Variants in IL1RAP observed in about 807,000 individuals in gnomAD.
IL1RAP encodes the protein interleukin 1 receptor accessory protein.
IL1RAP carries 35 observed loss-of-function variants against 60.7 expected under a neutral mutation model. That is an observed-to-expected ratio of 0.58 (90% CI 0.44 to 0.76). The LOEUF is 0.76. Ranked by LOEUF, IL1RAP falls within the 30% of genes least tolerant of loss-of-function variation. The probability of loss-of-function intolerance (pLI) is 0.00; values close to 1 mark genes in which losing one functional copy is unlikely to be tolerated. For missense variants in IL1RAP, 572 were observed against 693.9 expected (o/e 0.82, Z 1.97); for synonymous variants, 268 against 250.9 (o/e 1.07, Z -0.64).
At chr3:190,624,008 T>A (rs1177108208) in intron 7 of IL1RAP, among the ~76,000 whole-genome samples, 1 of 152,248 alleles carries the variant, frequency 6.6e-6, no homozygotes, top group Non-Finnish European at 1.5e-5. Flanking sequence ...CAGGAAACTA[T>A]AGAAAATTTT....
chr3:190,650,687 GT>G lies in IL1RAP; in HGVS notation c.*1983del. ...TCACTTGGATGAAAAAAGTAGAAAAGTAGGTCATTCTTGGATCTACTTTTTT... is the reference window on the plus strand; with the variant it reads ...TCACTTGGATGAAAAAAGTAGAAAAGAGGTCATTCTTGGATCTACTTTTTT... On this transcript the variant is annotated 3_prime_UTR_variant, in exon 12 of 12. Transcript: ENST00000447382. 1.0e-6 allele frequency: 1 copy of G among 960,734 alleles called. No homozygotes were observed. Among genetic ancestry groups the G allele is most frequent in the Non-Finnish European group, 1.2e-6 (1 of 807,522 alleles). The allele number at this position is 960,734 out of a possible 1,614,324, so 59.5% of individuals were successfully genotyped here. A position where few individuals can be genotyped will look rare whatever the true frequency, so the allele number is the denominator to read the frequency against.
intron 3 of IL1RAP, among the ~76,000 whole-genome samples, chr3:190,585,814 AAAAAAAAG>A (rs1332265168): frequency 1.3e-5 from 2 of 151,870 alleles, no homozygotes; most frequent in African/African-American, 2.4e-5. Flanking sequence ...TCCAACTCCA[AAAAAAAAG>A]AAAAAAAGAA....
exon 12 of IL1RAP, chr3:190,659,244 G>A (rs1734706016): frequency 6.6e-6 from 1 of 152,152 alleles, no homozygotes; most frequent in South Asian, 2.1e-4. Context: ...GCAGAGTCAT[G>A]GAAAATTAAA....
intron 9 of IL1RAP, among the ~76,000 whole-genome samples, chr3:190,640,168 T>C (rs1208114601): frequency 6.6e-6 from 1 of 152,248 alleles, no homozygotes; most frequent in Non-Finnish European, 1.5e-5. Context: ...GTGTGACCAC[T>C]TTCTCATTTT....
chr3:190,599,535 T>A (rs1162051884), intron 3 of IL1RAP, among the ~76,000 whole-genome samples: 1 of 151,918 alleles, frequency 6.6e-6, no homozygotes, highest in Non-Finnish European at 1.5e-5. Context: ...GTTTGCAGAA[T>A]CCTCTCTTTC....
At chr3:190,531,928 C>T (rs3773993) in intron 1 of IL1RAP, among the ~76,000 whole-genome samples, 16 of 152,234 alleles carry the variant, frequency 1.1e-4, no homozygotes, top group Admixed American at 3.3e-4. Flanking sequence ...AAATGGAATA[C>T]GTGTAATCGT....
At chr3:190,592,075 A>C (rs1325230160) in intron 3 of IL1RAP, among the ~76,000 whole-genome samples, 1 of 152,170 alleles carries the variant, frequency 6.6e-6, no homozygotes, top group Non-Finnish European at 1.5e-5. Flanking sequence ...GCTGGAGTGC[A>C]GTGGTGCGAT....
intron 3 of IL1RAP, among the ~76,000 whole-genome samples, chr3:190,566,980 C>G (rs80333651): frequency 0.051 from 7,815 of 152,294 alleles, 312 homozygotes; most frequent in South Asian, 0.081. Context: ...CAGAAATGTT[C>G]TGAAAACCCT....
chr3:190,553,254 A>T (rs1725028292), intron 1 of IL1RAP, among the ~76,000 whole-genome samples: 2 of 152,200 alleles, frequency 1.3e-5, no homozygotes, highest in South Asian at 4.1e-4. Context: ...GACTGGCTAC[A>T]ACTTAAGACC....
chr3:190,535,373 A>G (rs1197120781), intron 1 of IL1RAP, among the ~76,000 whole-genome samples: 1 of 152,250 alleles, frequency 6.6e-6, no homozygotes, highest in East Asian at 1.9e-4. Flanking sequence ...TCAGCCAAAC[A>G]GAAGCAAGGA....
rs79152767 is a variant in IL1RAP at position 190,593,431 on chromosome 3, T to C, written c.65-10697T>C. ...TTTGTTTGGGTAGCTCTACCCTGAATAAACATATCTAAGTTTTAATATTGT... is the reference window on the plus strand; with the variant it reads ...TTTGTTTGGGTAGCTCTACCCTGAACAAACATATCTAAGTTTTAATATTGT... On this transcript the variant is annotated intron_variant, in intron 3 of 11. Coordinates refer to ENST00000447382, the MANE Select transcript of IL1RAP (RefSeq NM_002182.4). Among the ~76,000 whole-genome samples, 502 of 152,362 alleles carry C rather than the reference T, an allele frequency of 3.3e-3. 4 individuals are homozygous for C. Among genetic ancestry groups the C allele is most frequent in the African/African-American group, 0.011 (477 of 41,592 alleles).
chr3:190,534,250 TTCCATAATC>T (rs1723235532), intron 1 of IL1RAP, among the ~76,000 whole-genome samples: 1 of 151,282 alleles, frequency 6.6e-6, no homozygotes, highest in Non-Finnish European at 1.5e-5. Context: ...TTACAGAGAC[TTCCATAATC>T]TCCAGCCCAC....
chr3:190,620,159 C>A, intron 5 of IL1RAP, 116 bp from the exon 6 acceptor site: 1 of 540,470 alleles, frequency 1.9e-6, no homozygotes, highest in East Asian at 3.2e-5. Flanking sequence ...TTTATAAAAA[C>A]TGCAGCATGA....
At chr3:190,613,702 G>C (rs1300758437) in intron 5 of IL1RAP, among the ~76,000 whole-genome samples, 1 of 151,896 alleles carries the variant, frequency 6.6e-6, no homozygotes, top group Non-Finnish European at 1.5e-5. Flanking sequence ...GCATGGTGGC[G>C]CACACCTGTA....
At chr3:190,514,716 G>A (rs761747428) in intron 1 of IL1RAP, among the ~76,000 whole-genome samples, 4 of 152,202 alleles carry the variant, frequency 2.6e-5, no homozygotes, top group Non-Finnish European at 5.9e-5. Context: ...CCCCTGACCT[G>A]CTTTCTCAGA....
At chr3:190,581,149 A>G (rs1032473620) in intron 3 of IL1RAP, among the ~76,000 whole-genome samples, 3 of 152,148 alleles carry the variant, frequency 2.0e-5, no homozygotes, top group Admixed American at 2.0e-4. Context: ...GAGCTCAGAA[A>G]GTGTTCTGGA....
rs759617540 is a variant in IL1RAP at position 190,620,431 on chromosome 3, A to C, written c.694A>C (p.Lys232Gln). 1 of 1,611,742 alleles carries C rather than the reference A, an allele frequency of 6.2e-7. No individual in the cohort carries two copies. The highest frequency in any genetic ancestry group is 2.2e-5 in the East Asian group (1 of 44,820). Residue 232 changes from lysine (K) to glutamine (Q), a missense_variant, in exon 6 of 12, where the codon AAG becomes CAG. Transcript: ENST00000447382. The part of the protein sequence containing the change: ...TFHLTRTLTV[K>Q]VVGSPKNAVP... ...TCATCTCACCAGGACTCTGACTGTA[A>C]AGGTAGTAGGTAAGCATGATTAGTG...
intron 1 of IL1RAP, among the ~76,000 whole-genome samples, chr3:190,520,894 A>G (rs1721961417): frequency 6.6e-6 from 1 of 152,220 alleles, no homozygotes; most frequent in Non-Finnish European, 1.5e-5. Context: ...GCAGTTTCTT[A>G]ACGCCAGTAT....
rs1734271899 is a variant in IL1RAP at position 190,649,623 on chromosome 3, C to T, written c.*918C>T. ...TGGCAATTTGTCTTTTAAGTCTTAA[C>T]CTTGCTAATGTGAATACTGGGAAAG... On this transcript the variant is annotated 3_prime_UTR_variant, in exon 12 of 12. Transcript: ENST00000447382. The T allele has an allele frequency of 2.4e-5, 24 of 985,844 alleles. No individual in the cohort carries two copies. The highest frequency in any genetic ancestry group is 2.9e-5 in the Non-Finnish European group (24 of 829,924). 61.1% of individuals were successfully genotyped at this position (985,844 alleles called of 1,614,324 possible). A position where few individuals can be genotyped will look rare whatever the true frequency, so the allele number is the denominator to read the frequency against.
Sources: allele counts gnomAD v4.1 joint callset (sites outside exome capture counted in the v4.1 genomes callset), GRCh38; gene constraint gnomAD v4.1.1; transcripts MANE v1.5; gene names NCBI Gene and HGNC (gene_info 2026-07-23, HGNC 2026-07-21).